SLCO1B3: variants seen among roughly 807,000 people sequenced by gnomAD.
The protein encoded by SLCO1B3 is solute carrier organic anion transporter family member 1B3.
Under a neutral mutation model 71.8 loss-of-function variants are expected in SLCO1B3, and 72 were observed. The ratio of observed to expected loss-of-function variants is 1.00; its 90% confidence interval spans 0.83 to 1.22. The LOEUF (loss-of-function observed/expected upper bound fraction) is 1.22. Among genes scored for constraint, SLCO1B3 ranks in the 50% most tolerant of loss-of-function variants. The pLI is 0.00. For synonymous variants in SLCO1B3, 298 were observed against 278.4 expected (o/e 1.07, Z -0.70); for missense variants, 911 against 819.7 (o/e 1.11, Z -1.36).
intron 13 of SLCO1B3, among the ~76,000 whole-genome samples, chr12:20,886,124 A>G (rs745885283): frequency 5.9e-5 from 9 of 152,078 alleles, no homozygotes; most frequent in Non-Finnish European, 1.3e-4. Context: ...TAATTTAAGG[A>G]TGATCCCAAG....
At chr12:20,891,315 T>G (rs975232481) in intron 13 of SLCO1B3, among the ~76,000 whole-genome samples, 1 of 103,996 alleles carries the variant, frequency 9.6e-6, no homozygotes, top group Non-Finnish European at 2.2e-5. Flanking sequence ...TGGCTGGCAT[T>G]TTTTTTTTTC....
At chr12:20,870,073 T>G (rs1160237547) in intron 8 of SLCO1B3, among the ~76,000 whole-genome samples, 2 of 152,214 alleles carry the variant, frequency 1.3e-5, no homozygotes, top group African/African-American at 4.8e-5. Flanking sequence ...ATTTGCATTA[T>G]TATGATAATA....
chr12:20,910,793 G>T (rs1239783903), intron 15 of SLCO1B3, among the ~76,000 whole-genome samples: 1 of 151,882 alleles, frequency 6.6e-6, no homozygotes, highest in Non-Finnish European at 1.5e-5. Flanking sequence ...TTTCACTTTG[G>T]CATATTAATC....
At chr12:20,833,116 T>G (rs1413215864) in intron 3 of SLCO1B3, among the ~76,000 whole-genome samples, 1 of 152,146 alleles carries the variant, frequency 6.6e-6, no homozygotes, top group Non-Finnish European at 1.5e-5. Flanking sequence ...ATGGCCCTTT[T>G]CCGTGTTCAA....
chr12:20,845,027 C>CAA (rs36120748), intron 3 of SLCO1B3: 364 of 190,766 alleles, frequency 1.9e-3, no homozygotes, highest in Middle Eastern at 3.8e-3. Context: ...AAGACTGTCT[C>CAA]AAAAAAAAAA....
chr12:20,914,976 C>A (rs1230910189), intron 15 of SLCO1B3, among the ~76,000 whole-genome samples: 1 of 151,938 alleles, frequency 6.6e-6, no homozygotes, highest in East Asian at 1.9e-4. Flanking sequence ...AATAACAAAC[C>A]TATGCATAGT....
chr12:20,864,561 A>T (rs189722458), intron 8 of SLCO1B3, among the ~76,000 whole-genome samples: 41 of 152,312 alleles, frequency 2.7e-4, no homozygotes, highest in African/African-American at 8.9e-4. Context: ...CATGTGGCTT[A>T]GTGTAGCTAC....
intron 3 of SLCO1B3, among the ~76,000 whole-genome samples, chr12:20,825,798 C>CAAAAAAA (rs3060437): frequency 4.6e-5 from 4 of 86,142 alleles, no homozygotes; most frequent in Non-Finnish European, 8.9e-5. Flanking sequence ...GACTCTGTCT[C>CAAAAAAA]AAAAAAAAAA....
intron 2 of SLCO1B3, among the ~76,000 whole-genome samples, chr12:20,814,976 CTTTTCTTTT>C (rs1390944782): frequency 8.5e-6 from 1 of 117,110 alleles, no homozygotes; most frequent in Non-Finnish European, 1.8e-5. Flanking sequence ...CTTTTCTTTT[CTTTTCTTTT>C]TTTTTTTTTT....
At chr12:20,881,091 C>G in intron 12 of SLCO1B3, 71 bp downstream of exon 12, 1 of 1,134,368 alleles carries the variant, frequency 8.8e-7, no homozygotes, top group Non-Finnish European at 1.3e-6. Flanking sequence ...AAATACTTAT[C>G]AAATCTTCCT....
At chr12:20,849,902 A>T (rs1377913343) in intron 3 of SLCO1B3, among the ~76,000 whole-genome samples, 1 of 152,072 alleles carries the variant, frequency 6.6e-6, no homozygotes, top group Non-Finnish European at 1.5e-5. Flanking sequence ...ATTGCTTAAA[A>T]AATTAAAGAC....
chr12:20,895,102 G>A (rs1865978793), intron 13 of SLCO1B3, among the ~76,000 whole-genome samples: 3 of 152,118 alleles, frequency 2.0e-5, no homozygotes, highest in Admixed American at 2.0e-4. Flanking sequence ...CTCCCACTGG[G>A]TCCCTCCAAC....
At chr12:20,826,649 G>T (rs1864428801) in intron 3 of SLCO1B3, among the ~76,000 whole-genome samples, 1 of 148,016 alleles carries the variant, frequency 6.8e-6, no homozygotes, top group Admixed American at 6.8e-5. Context: ...TTATCCTAAA[G>T]GTACCTCTTT....
chr12:20,860,845 AC>A (rs1282447656), intron 5 of SLCO1B3, among the ~76,000 whole-genome samples, 171 bp from the exon 6 acceptor site: 2 of 151,616 alleles, frequency 1.3e-5, no homozygotes, highest in African/African-American at 4.8e-5. Flanking sequence ...CTCCCATTTC[AC>A]CCCCTCTCAT....
intron 6 of SLCO1B3, 138 bp from the exon 7 acceptor site, chr12:20,862,274 T>C (rs1865281732): frequency 9.8e-7 from 1 of 1,016,004 alleles, no homozygotes; most frequent in South Asian, 1.8e-5. Context: ...TTTCAAACTT[T>C]GTAAAGTGAA....
At chr12:20,831,211 T>G (rs970043970) in intron 3 of SLCO1B3, among the ~76,000 whole-genome samples, 2 of 151,592 alleles carry the variant, frequency 1.3e-5, no homozygotes, top group Non-Finnish European at 2.9e-5. Flanking sequence ...ACACAAATTA[T>G]CCGGGCGTGG....
chr12:20,834,575 A>G (rs1864632018), intron 3 of SLCO1B3, among the ~76,000 whole-genome samples: 1 of 151,396 alleles, frequency 6.6e-6, no homozygotes, highest in Non-Finnish European at 1.5e-5. Flanking sequence ...TCTGTACCAT[A>G]AATTAAGCTC....
At chr12:20,914,835 G>A (rs891038229) in intron 15 of SLCO1B3, among the ~76,000 whole-genome samples, 10 of 151,886 alleles carry the variant, frequency 6.6e-5, no homozygotes, top group Admixed American at 3.9e-4. Flanking sequence ...ATTTCACTTT[G>A]CTCTCTTCTT....
rs557818451 is a variant in SLCO1B3, at chr12:20,907,188, T to C, written c.1865+5721T>C. Among the ~76,000 whole-genome samples the C allele has an allele frequency of 2.8e-4, 42 of 152,294 alleles. No homozygotes were observed. In the South Asian group the frequency reaches 8.5e-3, roughly 31 times the overall value. On this transcript the variant is annotated intron_variant, in intron 15 of 15. Transcript: ENST00000381545. ...TATTTCTTAGTTCAGGTTAGATCTC[T>C]GGTGAAAACTCCCTGGATCTAATTT... is the stretch of plus-strand genomic sequence containing the variant.
Sources: allele counts gnomAD v4.1 joint callset (sites outside exome capture counted in the v4.1 genomes callset), GRCh38; gene constraint gnomAD v4.1.1; transcripts MANE v1.5; gene names NCBI Gene and HGNC (gene_info 2026-07-23, HGNC 2026-07-21).